The following JMJD1C variants were observed in gnomAD, a reference collection of about 807,000 sequenced individuals.
JMJD1C encodes the protein jumonji domain containing 1C, also known as jumonji domain-containing protein 1C.
In JMJD1C, 31 loss-of-function variants were observed where a neutral mutation model predicts 245.3. The observed-to-expected ratio is 0.13, with a 90% CI of 0.09 to 0.17. The LOEUF (loss-of-function observed/expected upper bound fraction) is 0.17, where lower values mean the gene tolerates loss of function less well. Ranked by LOEUF, JMJD1C falls within the 10% of genes least tolerant of loss-of-function variation. The probability of loss-of-function intolerance (pLI) is 1.00; values close to 1 mark genes in which losing one functional copy is unlikely to be tolerated. For missense variants in JMJD1C, 2,691 were observed against 3,000.2 expected (o/e 0.90, Z 2.41); for synonymous variants, 1,057 against 1,017.4 (o/e 1.04, Z -0.74).
chr10:63,310,622 T>C (rs973043167), intron 2 of JMJD1C, among the ~76,000 whole-genome samples: 6 of 152,224 alleles, frequency 3.9e-5, no homozygotes, highest in South Asian at 4.1e-4. Flanking sequence ...ACTTGATAAA[T>C]TGACTATCCT....
chr10:63,213,232 TAATA>T (rs1227235578), intron 8 of JMJD1C, among the ~76,000 whole-genome samples: 6 of 150,482 alleles, frequency 4.0e-5, no homozygotes, highest in African/African-American at 1.2e-4. Flanking sequence ...TTTAAATCTA[TAATA>T]AATAAATATT....
chr10:63,432,570 G>C (rs1053648910), intron 1 of JMJD1C, among the ~76,000 whole-genome samples: 5 of 152,182 alleles, frequency 3.3e-5, no homozygotes, highest in African/African-American at 1.2e-4. Context: ...AAGACCAAGA[G>C]AACAACAGCC....
intron 2 of JMJD1C, chr10:63,268,868 G>GA: frequency 6.1e-6 from 6 of 985,816 alleles, no homozygotes; most frequent in Non-Finnish European, 7.2e-6. Context: ...TGTATAGGAA[G>GA]AAAAGCCAAG....
At chr10:63,500,090 A>T (rs1460772828) in intron 1 of JMJD1C, among the ~76,000 whole-genome samples, 1 of 152,204 alleles carries the variant, frequency 6.6e-6, no homozygotes, top group Non-Finnish European at 1.5e-5. Flanking sequence ...CTGGCATGTA[A>T]TTCATGTGTT....
intron 10 of JMJD1C, chr10:63,203,785 T>C (rs1846291759): frequency 5.2e-6 from 5 of 957,858 alleles, no homozygotes; most frequent in South Asian, 4.8e-5. Flanking sequence ...TGTATGTGTA[T>C]ATAAAATATA....
chr10:63,209,411 AAAT>A (rs1480314103), intron 8 of JMJD1C, among the ~76,000 whole-genome samples, 176 bp from the exon 9 acceptor site: 4 of 152,308 alleles, frequency 2.6e-5, no homozygotes, highest in East Asian at 1.9e-4. Context: ...ATATTCAGAC[AAAT>A]AATAACATAA....
intron 22 of JMJD1C, among the ~76,000 whole-genome samples, chr10:63,180,052 T>C (rs1018260509): frequency 6.6e-6 from 1 of 152,212 alleles, no homozygotes; most frequent in African/African-American, 2.4e-5. Context: ...CAGGCTGAAG[T>C]GCTGGGGCAC....
At chr10:63,372,779 T>A (rs1946413084) in intron 2 of JMJD1C, among the ~76,000 whole-genome samples, 1 of 152,204 alleles carries the variant, frequency 6.6e-6, no homozygotes, top group South Asian at 2.1e-4. Context: ...AAGACAGACA[T>A]GCAAACAAAT....
chr10:63,210,940 G>A (rs951521127), intron 8 of JMJD1C, among the ~76,000 whole-genome samples: 4 of 152,216 alleles, frequency 2.6e-5, no homozygotes, highest in African/African-American at 9.6e-5. Flanking sequence ...ATCAATGGCA[G>A]CATAATTCTG....
chr10:63,506,429 G>A (rs1954718934), intron 1 of JMJD1C, among the ~76,000 whole-genome samples: 1 of 152,088 alleles, frequency 6.6e-6, no homozygotes, highest in South Asian at 2.1e-4. Context: ...ATTCCTTCTG[G>A]TTTTAAACTA....
chr10:63,225,432 T>C (rs1029227654), intron 3 of JMJD1C, among the ~76,000 whole-genome samples: 1 of 152,156 alleles, frequency 6.6e-6, no homozygotes, highest in Non-Finnish European at 1.5e-5. Context: ...CTTGCAAAGA[T>C]AGACATGAAC....
chr10:63,293,884 T>C (rs1043850501), intron 2 of JMJD1C, among the ~76,000 whole-genome samples: 2 of 152,192 alleles, frequency 1.3e-5, no homozygotes, highest in Non-Finnish European at 2.9e-5. Context: ...GAACTCCAAC[T>C]GATCAACTTA....
At chr10:63,268,067 T>TAGTG (rs1855833752) in intron 2 of JMJD1C, among the ~76,000 whole-genome samples, 1 of 151,916 alleles carries the variant, frequency 6.6e-6, no homozygotes, top group Non-Finnish European at 1.5e-5. Context: ...AGCTTATGTC[T>TAGTG]GCAGTCTTAG....
At chr10:63,267,736 T>C (rs1855767469) in intron 2 of JMJD1C, among the ~76,000 whole-genome samples, 1 of 152,174 alleles carries the variant, frequency 6.6e-6, no homozygotes. Context: ...TCAATTTTAT[T>C]AGAGTGAGAG....
chr10:63,447,827 T>C (rs1009583905), intron 1 of JMJD1C, among the ~76,000 whole-genome samples: 1 of 151,910 alleles, frequency 6.6e-6, no homozygotes, highest in African/African-American at 2.4e-5. Context: ...TACTCCCAGC[T>C]ACTTGGGAGG....
chr10:63,469,304 C>T (rs893618735), upstream of JMJD1C, among the ~76,000 whole-genome samples: 4 of 152,142 alleles, frequency 2.6e-5, no homozygotes, highest in African/African-American at 2.4e-5. Context: ...ACTTTACACA[C>T]GTAATCTCAT....
chr10:63,481,311 C>A (rs916820054), intron 1 of JMJD1C, among the ~76,000 whole-genome samples: 1 of 151,990 alleles, frequency 6.6e-6, no homozygotes, highest in South Asian at 2.1e-4. Flanking sequence ...TTGGAAATTA[C>A]GGTGATATTA....
chr10:63,418,112 T>C (rs959437539), intron 1 of JMJD1C, among the ~76,000 whole-genome samples: 4 of 152,186 alleles, frequency 2.6e-5, no homozygotes, highest in African/African-American at 7.2e-5. Flanking sequence ...GTTACAGCAG[T>C]AGCTCAATAA....
rs751235829 is a variant in JMJD1C, at chr10:63,264,796, T to G, written c.334-32A>C. 3.0e-6 allele frequency: 3 copies of G among 995,778 alleles called. No homozygotes were observed. The East Asian group carries it at 7.2e-5, about 24-fold the overall frequency. 61.7% of individuals were successfully genotyped at this position (995,778 alleles called of 1,614,324 possible). ...AGAAAAAAAAAATTTCTAATGATAATTTTCTGGGTAGTATCCTGAAATTAT... is the reference window on the plus strand; with the variant it reads ...AGAAAAAAAAAATTTCTAATGATAAGTTTCTGGGTAGTATCCTGAAATTAT... On this transcript the variant is annotated intron_variant, in intron 2 of 25. Transcript: ENST00000399262.
Sources: allele counts gnomAD v4.1 joint callset (sites outside exome capture counted in the v4.1 genomes callset), GRCh38; gene constraint gnomAD v4.1.1; transcripts MANE v1.5; gene names NCBI Gene and HGNC (gene_info 2026-07-23, HGNC 2026-07-21).